Variants in CD63 observed in about 807,000 individuals in gnomAD.
CD63 encodes CD63 antigen.
Under a neutral mutation model 29.2 loss-of-function variants are expected in CD63, and 16 were observed. The observed-to-expected ratio is 0.55, with a 90% CI of 0.37 to 0.83. The LOEUF (loss-of-function observed/expected upper bound fraction) is 0.83, where lower values mean the gene tolerates loss of function less well. Ranked by LOEUF, CD63 falls within the 40% of genes least tolerant of loss-of-function variation. The pLI is 0.00. For missense variants in CD63, 251 were observed against 297.3 expected, an observed-to-expected ratio of 0.84 and a Z score of 1.15; for synonymous variants, 118 against 111.7, an observed-to-expected ratio of 1.06 and a Z score of -0.36.
Position 55,726,906 on chromosome 12 carries a change from T to C in CD63, c.314A>G (p.Tyr105Cys). 3.7e-6 allele frequency: 6 copies of C among 1,614,058 alleles called. No homozygotes were observed. The South Asian group carries it at 5.5e-5, about 15-fold the overall frequency. The stretch of plus-strand genomic sequence containing the variant: ...CCTGCTTACCTTATCTCTAAACACA[T>C]AGCCAGCAATGGCTGCGGCCACCTC... ...LVEVAAAIAG[Y>C]VFRDKVMSEF... The change falls in exon 4 of 8, where the codon TAT becomes TGT. Residue 105 changes from tyrosine (Y) to cysteine (C), a missense_variant. Physicochemically the swap from Tyr to Cys is radical, Grantham distance 194 (BLOSUM62 -2). Coordinates refer to ENST00000257857, the MANE Select transcript of CD63 (RefSeq NM_001780.6).
At chr12:55,725,746 C>G in intron 7 of CD63, 67 bp downstream of exon 7, 2 of 1,540,550 alleles carry the variant, frequency 1.3e-6, no homozygotes, top group East Asian at 4.5e-5. Context: ...GCACCCTCCT[C>G]CCCTCAGCCC....
Position 55,727,287 on chromosome 12 carries a change from C to T in CD63, c.119G>A (p.Ser40Asn). The T allele has an allele frequency of 6.2e-7, 1 of 1,613,888 alleles. No homozygotes were observed. Among genetic ancestry groups the T allele is most frequent in the Non-Finnish European group, 8.5e-7 (1 of 1,180,020 alleles). ...GGTAGCCCCCTGGATTATGGTCTGA[C>T]TCAGGACAAGCTGTGCCCCGACACC... ...AVGVGAQLVLSQTIIQGATPG... is the reference protein window; with the variant it reads ...AVGVGAQLVLNQTIIQGATPG... Residue 40 changes from serine to asparagine, a missense_variant, in exon 3 of 8, where the codon AGT becomes AAT. Coordinates refer to ENST00000257857, the MANE Select transcript of CD63 (RefSeq NM_001780.6).
downstream of CD63, chr12:55,724,441 T>C: frequency 6.2e-7 from 1 of 1,614,150 alleles, no homozygotes; most frequent in Non-Finnish European, 8.5e-7. Flanking sequence ...CAGCCCAGGT[T>C]GGGATGCCAA....
In CD63 at chr12:55,728,229, C is replaced by A; in HGVS notation, c.66+47G>T. On this transcript the variant is annotated intron_variant, in intron 2 of 7. Coordinates refer to ENST00000257857, the MANE Select transcript of CD63 (RefSeq NM_001780.6). The surrounding 1 kb of genome is among the most constrained non-coding windows in gnomAD (Gnocchi z 4.8). ...AGCCCTCACCACTGTGGAGCCAGGT[C>A]TCCCCGCACCCTGCCGGCGCGCCCC... 1 of 1,521,072 alleles carries A rather than the reference C, an allele frequency of 6.6e-7. No individual in the cohort carries two copies. The highest frequency in any genetic ancestry group is 1.2e-5 in the South Asian group (1 of 85,910). 94.2% of individuals were successfully genotyped at this position (1,521,072 alleles called of 1,614,324 possible). A position where few individuals can be genotyped will look rare whatever the true frequency, so the allele number is the denominator to read the frequency against.
In CD63 at chr12:55,725,532, C is replaced by G. The variant is rs766020356; in HGVS notation, c.*29G>C. On this transcript the variant is annotated 3_prime_UTR_variant, in exon 8 of 8. Coordinates refer to ENST00000257857, the MANE Select transcript of CD63 (RefSeq NM_001780.6). ...CCTGGAGGATACTATTCCACTCCCC[C>G]AGATGAGGAGGCTGAGGAGACCAGA... is the stretch of plus-strand genomic sequence containing the variant. The G allele has an allele frequency of 6.4e-6, 10 of 1,569,510 alleles. No homozygotes were observed. Among genetic ancestry groups the G allele is most frequent in the African/African-American group, 5.4e-5 (4 of 74,010 alleles).
chr12:55,724,511 G>A (rs147986326), downstream of CD63: 4 of 1,612,924 alleles, frequency 2.5e-6, no homozygotes, highest in Non-Finnish European at 3.4e-6. Context: ...GTGCTCACCT[G>A]GGTCCTTCCC....
Position 55,725,559 on chromosome 12 carries a change from C to A in CD63, c.*2G>T. 1.2e-6 allele frequency: 2 copies of A among 1,612,376 alleles called. No homozygotes were observed. Among genetic ancestry groups the A allele is most frequent in the Non-Finnish European group, 1.7e-6 (2 of 1,178,524 alleles). ...GATGAGGAGGCTGAGGAGACCAGAC[C>A]CCTACATCACCTCGTAGCCACTTCT... On this transcript the variant is annotated 3_prime_UTR_variant, in exon 8 of 8. Coordinates refer to ENST00000257857, the MANE Select transcript of CD63 (RefSeq NM_001780.6).
Position 55,725,486 on chromosome 12 carries a change from A to G in CD63, c.*75T>C. The G allele has an allele frequency of 3.3e-6, 4 of 1,208,318 alleles. No individual in the cohort carries two copies. The South Asian group carries it at 4.9e-5, about 15-fold the overall frequency. The allele number at this position is 1,208,318 out of a possible 1,614,324, so 74.8% of individuals were successfully genotyped here. On this transcript the variant is annotated 3_prime_UTR_variant, in exon 8 of 8. Transcript: ENST00000257857. ...GACCATCTCTTTTCGGTCTGAAAAA[A>G]TAATCCGTTTAATTGAAAAACCTGG...
rs13020 is a variant in CD63 at position 55,726,739 on chromosome 12, G to A, written c.387C>T (p.Asn129=). The change falls in exon 5 of 8, where the codon AAC becomes AAT. Residue 129 remains asparagine (N), a synonymous_variant. Coordinates refer to ENST00000257857, the MANE Select transcript of CD63 (RefSeq NM_001780.6). ...FRQQMENYPK[N]NHTASILDRM... ...TGTCCAGGATCGAAGCAGTGTGGTT[G>A]TTTTTCGGGTAATTCTCCATCTGCT... The A allele has an allele frequency of 4.7e-3, 7,550 of 1,614,036 alleles. 262 individuals carry two copies. In the African/African-American group the frequency reaches 0.075, roughly 16 times the overall value.
intron 2 of CD63, 125 bp from the exon 3 acceptor site, chr12:55,727,464 A>G (rs1347826999): frequency 2.5e-5 from 30 of 1,213,494 alleles, no homozygotes; most frequent in Non-Finnish European, 3.3e-5. Context: ...TCACACCTCT[A>G]GGGAATTTCT....
In CD63 at chr12:55,728,232, C is replaced by A; in HGVS notation, c.66+44G>T. The stretch of plus-strand genomic sequence containing the variant: ...CCTCACCACTGTGGAGCCAGGTCTC[C>A]CCGCACCCTGCCGGCGCGCCCCCCA... On this transcript the variant is annotated intron_variant, in intron 2 of 7. Coordinates refer to ENST00000257857, the MANE Select transcript of CD63 (RefSeq NM_001780.6). This position sits in a 1 kb window ranked among gnomAD's most constrained non-coding sequence, Gnocchi z 4.8. 1 of 1,545,566 alleles carries A rather than the reference C, an allele frequency of 6.5e-7. No individual in the cohort carries two copies. The highest frequency in any genetic ancestry group is 2.3e-5 in the East Asian group (1 of 43,758).
At chr12:55,723,711 CA>C, downstream of CD63, 1 of 699,660 alleles carries the variant, frequency 1.4e-6, no homozygotes, top group South Asian at 1.7e-5. Flanking sequence ...AAACAAACCT[CA>C]AAAATACTTT....
At chr12:55,729,814 A>T (rs1877795843), upstream of CD63, 2 of 152,254 alleles carry the variant, frequency 1.3e-5, no homozygotes, top group African/African-American at 4.8e-5. Context: ...TCCGTCTGTG[A>T]TAGCGAGGGC....
downstream of CD63, chr12:55,724,175 C>A: frequency 1.4e-6 from 2 of 1,454,110 alleles, no homozygotes; most frequent in Admixed American, 1.9e-5. Context: ...CAGGATGTTA[C>A]AAGAGTGCCC....
downstream of CD63, chr12:55,724,230 G>A: frequency 6.6e-7 from 1 of 1,507,024 alleles, no homozygotes; most frequent in Non-Finnish European, 9.1e-7. Flanking sequence ...GGAGGGGACT[G>A]AGGGTGACAA....
downstream of CD63, chr12:55,724,247 GGC>G (rs1877085379): frequency 6.4e-7 from 1 of 1,559,718 alleles, no homozygotes; most frequent in Non-Finnish European, 8.8e-7. Context: ...ACAAGCCCAG[GGC>G]CCCAGAAGAC....
intron 2 of CD63, chr12:55,727,744 C>T (rs1877575188): frequency 9.7e-7 from 1 of 1,033,290 alleles, no homozygotes. Flanking sequence ...CCAGTTAGGC[C>T]AGGAGAAGGG....
chr12:55,728,394 G>A lies in CD63; in HGVS notation c.-11-42C>T. The A allele has an allele frequency of 6.3e-7, 1 of 1,574,978 alleles. No individual in the cohort carries two copies. On this transcript the variant is annotated intron_variant, in intron 1 of 7. Transcript: ENST00000257857. This position sits in a 1 kb window ranked among gnomAD's most constrained non-coding sequence, Gnocchi z 4.8. ...GGCGGGGGGATTAAAACTGGCCGAA[G>A]GGGGACCTCGGTTTCCGGGCTCCCG...
At position 55,728,436 on chromosome 12, in the gene CD63, T is replaced by G; in HGVS notation, c.-11-84A>C. 1.3e-6 allele frequency: 2 copies of G among 1,536,430 alleles called. No homozygotes were observed. The highest frequency in any genetic ancestry group is 2.4e-5 in the South Asian group (2 of 83,176). ...GGGCTCCCGGCCGGCCCTCGAGGGC[T>G]TCCCTTCACGGCCCCGATTCCCGGC... On this transcript the variant is annotated intron_variant, in intron 1 of 7. Transcript: ENST00000257857. The surrounding 1 kb of genome is among the most constrained non-coding windows in gnomAD (Gnocchi z 4.8).
Sources: allele counts gnomAD v4.1 joint callset, GRCh38; gene constraint gnomAD v4.1.1; non-coding constraint Gnocchi (gnomAD v3.1); transcripts MANE v1.5; gene names NCBI Gene and HGNC (gene_info 2026-07-23, HGNC 2026-07-21).